The following MAL2 variants were observed in gnomAD, a reference collection of about 807,000 sequenced individuals.
MAL2 encodes the protein mal, T cell differentiation protein 2, also known as protein MAL2.
A neutral mutation model predicts 18.1 loss-of-function variants in MAL2; 17 were observed. The ratio of observed to expected loss-of-function variants is 0.94; its 90% CI spans 0.64 to 1.41. MAL2 has a LOEUF of 1.41. Among genes scored for constraint, MAL2 ranks in the 40% most tolerant of loss-of-function variants. The pLI, the probability that MAL2 is intolerant of heterozygous loss-of-function variation, is 0.00. For synonymous variants in MAL2, 102 were observed against 102.3 expected, an observed-to-expected ratio of 1.00 and a Z score of 0.02; for missense variants, 222 against 231.9, an observed-to-expected ratio of 0.96 and a Z score of 0.28.
In MAL2 at chr8:119,221,707, A is replaced by T. The variant is rs754401218; in HGVS notation, c.253A>T (p.Met85Leu). ...TTTCTTTTCGCTCCTCTTTCTGGGC[A>T]TGTTCCTCTCTGGCATGGTGGCTCA... is the stretch of plus-strand genomic sequence containing the variant. ...AFFFSLLFLGMFLSGMVAQID... is the reference protein window; with the variant it reads ...AFFFSLLFLGLFLSGMVAQID... Residue 85 changes from methionine to leucine, a missense_variant, in exon 2 of 4, where the codon ATG (methionine) becomes TTG (leucine). Transcript: ENST00000614891. The T allele has an allele frequency of 9.9e-6, 16 of 1,613,734 alleles. No individual in the cohort carries two copies. The highest frequency in any genetic ancestry group is 1.3e-5 in the Non-Finnish European group (15 of 1,179,842).
intron 2 of MAL2, 26 bp from the exon 3 acceptor site, chr8:119,240,139 C>T: frequency 1.3e-6 from 2 of 1,593,922 alleles, no homozygotes; most frequent in Non-Finnish European, 1.7e-6. Context: ...TTTTTAATTG[C>T]AGATGTCTTT....
chr8:119,221,832 G>C, intron 2 of MAL2, 75 bp downstream of exon 2: 2 of 1,489,468 alleles, frequency 1.3e-6, no homozygotes, highest in Admixed American at 1.9e-5. Context: ...TGAAATGCCA[G>C]AGTCCCAGTT....
chr8:119,208,669 C>A lies in MAL2; in HGVS notation c.132+65C>A. On this transcript the variant is annotated intron_variant, in intron 1 of 3. Transcript: ENST00000614891. The surrounding 1 kb of genome is among the most constrained non-coding windows in gnomAD (Gnocchi z 4.3). ...AGGACAGGCGGCGGCATCCTTGTCCCCCGGGCTGTCTTCCTCTGCGTCCGC... is the reference window on the plus strand; with the variant it reads ...AGGACAGGCGGCGGCATCCTTGTCCACCGGGCTGTCTTCCTCTGCGTCCGC... The A allele has an allele frequency of 2.4e-6, 3 of 1,238,396 alleles. No homozygotes were observed. The highest frequency in any genetic ancestry group is 3.0e-6 in the Non-Finnish European group (3 of 989,290). The allele number at this position is 1,238,396 out of a possible 1,614,324, so 76.7% of individuals were successfully genotyped here.
At chr8:119,215,363 CT>C (rs939538079) in intron 1 of MAL2, 2 of 152,216 alleles carry the variant, frequency 1.3e-5, no homozygotes, top group Non-Finnish European at 2.9e-5. Context: ...AGAGCATTCT[CT>C]TTTGGAACCA....
Position 119,245,018 on chromosome 8 carries a change from C to T in MAL2, c.*1530C>T, listed in dbSNP as rs1420676301. 2 of 152,556 alleles carry T rather than the reference C, an allele frequency of 1.3e-5. No individual in the cohort carries two copies. Among genetic ancestry groups the T allele is most frequent in the African/African-American group, 2.4e-5 (1 of 41,422 alleles). 9.5% of individuals were successfully genotyped at this position (152,556 alleles called of 1,614,324 possible). A position where few individuals can be genotyped will look rare whatever the true frequency, so the allele number is the denominator to read the frequency against. Reference sequence around the variant, plus strand: ...ACATAGAACAACCATGAATGAGTGGCATGATCCGTGCTTAATGATCAAGTG... The same window carrying T: ...ACATAGAACAACCATGAATGAGTGGTATGATCCGTGCTTAATGATCAAGTG... On this transcript the variant is annotated 3_prime_UTR_variant, in exon 4 of 4. Transcript: ENST00000614891.
At chr8:119,229,844 C>A (rs754026123) in intron 2 of MAL2, among the ~76,000 whole-genome samples, 5 of 152,170 alleles carry the variant, frequency 3.3e-5, no homozygotes, top group Non-Finnish European at 7.3e-5. Context: ...GGAAACCACT[C>A]TTCCCTGTGG....
chr8:119,224,810 ATAAG>A (rs780372628), intron 2 of MAL2, among the ~76,000 whole-genome samples: 117 of 152,196 alleles, frequency 7.7e-4, no homozygotes, highest in Admixed American at 7.2e-4. Context: ...TTTTCAAATA[ATAAG>A]TGAGTTACTT....
At chr8:119,222,208 C>T (rs1293099933) in intron 2 of MAL2, among the ~76,000 whole-genome samples, 1 of 151,876 alleles carries the variant, frequency 6.6e-6, no homozygotes, top group Non-Finnish European at 1.5e-5. Flanking sequence ...ACGTCTGTCC[C>T]AAATTAAAAA....
At chr8:119,242,926 C>A (rs1260805729) in intron 3 of MAL2, among the ~76,000 whole-genome samples, 1 of 152,190 alleles carries the variant, frequency 6.6e-6, no homozygotes, top group Non-Finnish European at 1.5e-5. Flanking sequence ...GACTGTCTCC[C>A]ATACAAGAGC....
At chr8:119,230,739 TTTTTCTTACTA>T (rs1404645616) in intron 2 of MAL2, among the ~76,000 whole-genome samples, 31 of 152,214 alleles carry the variant, frequency 2.0e-4, no homozygotes, top group African/African-American at 7.2e-4. Flanking sequence ...TTTCTCTTAA[TTTTTCTTACTA>T]AGATCTAGCA....
chr8:119,219,407 C>G (rs1817420846), intron 1 of MAL2, among the ~76,000 whole-genome samples: 1 of 152,114 alleles, frequency 6.6e-6, no homozygotes, highest in African/African-American at 2.4e-5. Context: ...TACTGAAATG[C>G]AATGTACAGA....
chr8:119,226,323 T>C (rs1817594660), intron 2 of MAL2, among the ~76,000 whole-genome samples: 1 of 151,968 alleles, frequency 6.6e-6, no homozygotes, highest in Non-Finnish European at 1.5e-5. Flanking sequence ...GTATAAGGTG[T>C]AAGGAAGGGA....
intron 3 of MAL2, among the ~76,000 whole-genome samples, 197 bp from the exon 4 acceptor site, chr8:119,243,220 G>T (rs1014227839): frequency 6.6e-6 from 1 of 151,974 alleles, no homozygotes; most frequent in African/African-American, 2.4e-5. Flanking sequence ...TTAAAGGAAG[G>T]GGGGAGGGTA....
intron 2 of MAL2, among the ~76,000 whole-genome samples, chr8:119,232,575 A>C (rs942330001): frequency 6.6e-6 from 1 of 152,150 alleles, no homozygotes; most frequent in African/African-American, 2.4e-5. Context: ...CTTTTGGTGG[A>C]AGTATATATG....
chr8:119,217,337 T>C (rs1006792723), intron 1 of MAL2, among the ~76,000 whole-genome samples: 2 of 152,214 alleles, frequency 1.3e-5, no homozygotes, highest in African/African-American at 4.8e-5. Flanking sequence ...CAGAATATAT[T>C]TGAGTACTTC....
intron 1 of MAL2, among the ~76,000 whole-genome samples, chr8:119,219,113 G>A (rs989174686): frequency 2.6e-5 from 4 of 152,048 alleles, no homozygotes; most frequent in Admixed American, 6.6e-5. Flanking sequence ...ATAAGGTGGT[G>A]GTTAAATGTT....
chr8:119,236,891 G>C (rs576559294), intron 2 of MAL2, among the ~76,000 whole-genome samples: 1 of 150,128 alleles, frequency 6.7e-6, no homozygotes, highest in African/African-American at 2.5e-5. Flanking sequence ...AACTAGAAAA[G>C]CAAGAGCAAA....
intron 2 of MAL2, among the ~76,000 whole-genome samples, chr8:119,234,035 C>G (rs533726351): frequency 2.6e-4 from 39 of 152,286 alleles, no homozygotes; most frequent in Non-Finnish European, 4.7e-4. Flanking sequence ...TTCTGCATTT[C>G]CATCTGAGGT....
rs188836934 is a variant in MAL2, at chr8:119,226,546, G to A, written c.303+4789G>A. Among the ~76,000 whole-genome samples the A allele has an allele frequency of 7.2e-4, 110 of 151,950 alleles. 1 individual carries two copies. The highest frequency in any genetic ancestry group is 2.3e-3 in the African/African-American group (97 of 41,482). On this transcript the variant is annotated intron_variant, in intron 2 of 3. Coordinates refer to ENST00000614891, the MANE Select transcript of MAL2 (RefSeq NM_052886.3). The stretch of plus-strand genomic sequence containing the variant: ...CTATGCCTGAGGCTGAGGTTGCCCA[G>A]GGAAAAGGCAAACACATAGTGGGCA...
Sources: allele counts gnomAD v4.1 joint callset (sites outside exome capture counted in the v4.1 genomes callset), GRCh38; gene constraint gnomAD v4.1.1; non-coding constraint Gnocchi (gnomAD v3.1); transcripts MANE v1.5; gene names NCBI Gene and HGNC (gene_info 2026-07-23, HGNC 2026-07-21).